Variants in KIAA1958 observed in about 807,000 individuals in gnomAD.
The protein encoded by KIAA1958 is uncharacterized protein KIAA1958.
Under a neutral mutation model 47.2 loss-of-function variants are expected in KIAA1958, and 14 were observed. The observed-to-expected ratio is 0.30, with a 90% CI of 0.20 to 0.46. KIAA1958 has a LOEUF of 0.46. Ranked by LOEUF, KIAA1958 falls within the 20% of genes least tolerant of loss-of-function variation. The pLI is 1.00. For synonymous variants in KIAA1958, 354 were observed against 353.3 expected (o/e 1.00, Z -0.02); for missense variants, 803 against 909.2 (o/e 0.88, Z 1.50).
intron 1 of KIAA1958, among the ~76,000 whole-genome samples, chr9:112,512,068 C>G (rs1834333894): frequency 6.6e-6 from 1 of 152,132 alleles, no homozygotes; most frequent in Non-Finnish European, 1.5e-5. Context: ...ACACAGATGG[C>G]TTTGCTATGG....
chr9:112,569,238 A>G (rs1271888205), intron 1 of KIAA1958, among the ~76,000 whole-genome samples: 1 of 152,162 alleles, frequency 6.6e-6, no homozygotes, highest in Non-Finnish European at 1.5e-5. Flanking sequence ...TTTCTGTGCC[A>G]TGCTTCTGTA....
chr9:112,510,382 G>T (rs879480670), intron 1 of KIAA1958, among the ~76,000 whole-genome samples: 1 of 152,176 alleles, frequency 6.6e-6, no homozygotes, highest in Non-Finnish European at 1.5e-5. Flanking sequence ...ATCTCTGGGA[G>T]CCCAATTCTT....
intron 1 of KIAA1958, among the ~76,000 whole-genome samples, chr9:112,512,627 G>A (rs1046356870): frequency 2.0e-5 from 3 of 151,914 alleles, no homozygotes; most frequent in Admixed American, 6.6e-5. Context: ...CACTGAGCAC[G>A]TAGCATGTAA....
At chr9:112,626,634 T>C (rs188764788) in intron 2 of KIAA1958, among the ~76,000 whole-genome samples, 76 of 152,318 alleles carry the variant, frequency 5.0e-4, no homozygotes, top group African/African-American at 1.6e-3. Flanking sequence ...TCCCTTAGTG[T>C]ACTTCCACTA....
At chr9:112,519,441 A>G (rs1343958851) in intron 1 of KIAA1958, among the ~76,000 whole-genome samples, 5 of 152,246 alleles carry the variant, frequency 3.3e-5, no homozygotes, top group African/African-American at 1.2e-4. Flanking sequence ...GGTTATCACC[A>G]GAGCATCACA....
intron 1 of KIAA1958, among the ~76,000 whole-genome samples, chr9:112,528,041 C>T (rs892274500): frequency 3.3e-5 from 5 of 151,926 alleles, no homozygotes; most frequent in African/African-American, 1.2e-4. Context: ...GTTGTCAGCT[C>T]TATCTCCTCC....
intron 1 of KIAA1958, among the ~76,000 whole-genome samples, chr9:112,489,000 C>T (rs987481434): frequency 3.9e-5 from 6 of 152,184 alleles, no homozygotes; most frequent in Non-Finnish European, 5.9e-5. Flanking sequence ...TTACTAGTTT[C>T]TGCTTTGACT....
intron 2 of KIAA1958, among the ~76,000 whole-genome samples, chr9:112,598,406 A>T (rs2131197439): frequency 6.6e-6 from 1 of 152,290 alleles, no homozygotes; most frequent in African/African-American, 2.4e-5. Flanking sequence ...GAATTCAGGG[A>T]AGGAATTTAA....
In KIAA1958 at chr9:112,617,966, A is replaced by C. The variant is rs1489825709; in HGVS notation, c.1172-27684A>C. 4 of 1,550,522 alleles carry C rather than the reference A, an allele frequency of 2.6e-6. No individual in the cohort carries two copies. In the South Asian group the frequency reaches 4.8e-5, roughly 18 times the overall value. ...GCTCCGCAATTTCCGTGAGTTCCTC[A>C]TCTCCAAGTATCCTTCTGAAACAAG... On this transcript the variant is annotated intron_variant, in intron 2 of 3. Transcript: ENST00000337530.
At chr9:112,529,538 G>A (rs1448032388) in intron 1 of KIAA1958, among the ~76,000 whole-genome samples, 2 of 152,158 alleles carry the variant, frequency 1.3e-5, no homozygotes, top group South Asian at 2.1e-4. Context: ...AGACATACTG[G>A]TGAGGTATTC....
At chr9:112,647,848 A>G (rs879867946) in intron 3 of KIAA1958, among the ~76,000 whole-genome samples, 1 of 152,224 alleles carries the variant, frequency 6.6e-6, no homozygotes, top group Non-Finnish European at 1.5e-5. Flanking sequence ...AATCTGCTCA[A>G]AGTTTGGCAA....
intron 1 of KIAA1958, among the ~76,000 whole-genome samples, chr9:112,552,155 G>A (rs117567309): frequency 6.6e-6 from 1 of 152,178 alleles, no homozygotes; most frequent in Non-Finnish European, 1.5e-5. Flanking sequence ...GAGGATCCCT[G>A]TAGTTTTATT....
At chr9:112,645,023 T>G (rs1359520804) in intron 2 of KIAA1958, among the ~76,000 whole-genome samples, 7 of 39,326 alleles carry the variant, frequency 1.8e-4, no homozygotes, top group Non-Finnish European at 5.1e-4. Context: ...TAATCCCAGC[T>G]ACTTGGGAGG....
At chr9:112,643,212 C>G (rs191329022) in intron 2 of KIAA1958, among the ~76,000 whole-genome samples, 2 of 152,294 alleles carry the variant, frequency 1.3e-5, no homozygotes, top group African/African-American at 2.4e-5. Context: ...TGTAGTGACT[C>G]AAGCATGGAG....
chr9:112,630,753 A>T (rs1836695427), intron 2 of KIAA1958, among the ~76,000 whole-genome samples: 1 of 152,270 alleles, frequency 6.6e-6, no homozygotes, highest in Non-Finnish European at 1.5e-5. Flanking sequence ...AACATCTCTC[A>T]TACAAAATTA....
chr9:112,501,660 G>A (rs1476442714), intron 1 of KIAA1958, among the ~76,000 whole-genome samples: 2 of 152,152 alleles, frequency 1.3e-5, no homozygotes, highest in African/African-American at 4.8e-5. Flanking sequence ...AAACTGTGGC[G>A]TAGAGAGACG....
At chr9:112,628,716 A>AT (rs920377837) in intron 2 of KIAA1958, among the ~76,000 whole-genome samples, 21 of 152,178 alleles carry the variant, frequency 1.4e-4, no homozygotes, top group African/African-American at 5.1e-4. Flanking sequence ...TCTTACGTAC[A>AT]TTTTGTATTT....
intron 2 of KIAA1958, among the ~76,000 whole-genome samples, chr9:112,640,200 G>A (rs1462422013): frequency 6.6e-6 from 1 of 152,188 alleles, no homozygotes; most frequent in Non-Finnish European, 1.5e-5. Context: ...CAGCACGTAA[G>A]GTGGGTGGAT....
chr9:112,586,602 A>G (rs1835826476), intron 2 of KIAA1958, among the ~76,000 whole-genome samples: 1 of 152,214 alleles, frequency 6.6e-6, no homozygotes, highest in Non-Finnish European at 1.5e-5. Flanking sequence ...GCATTTTCAT[A>G]TTATACCAAT....
Sources: gnomAD v4.1 joint callset for allele counts (sites outside exome capture counted in the v4.1 genomes callset) on GRCh38, gnomAD v4.1.1 for gene constraint, MANE v1.5 for transcripts, NCBI Gene and HGNC (gene_info 2026-07-23, HGNC 2026-07-21) for gene names.